Variants in CD300LD observed in about 807,000 individuals in gnomAD.
CD300LD encodes CD300 molecule like family member d.
Under a neutral mutation model 20.3 loss-of-function variants are expected in CD300LD, and 18 were observed. That is an observed-to-expected ratio of 0.89 (90% CI 0.61 to 1.32). The LOEUF (loss-of-function observed/expected upper bound fraction) is 1.32, where lower values mean the gene tolerates loss of function less well. Among genes scored for constraint, CD300LD ranks in the 40% most tolerant of loss-of-function variants. The pLI is 0.00. For missense variants in CD300LD, 195 were observed against 226.6 expected, an observed-to-expected ratio of 0.86 and a Z score of 0.90; for synonymous variants, 104 against 90.1, an observed-to-expected ratio of 1.15 and a Z score of -0.87.
intron 2 of CD300LD, among the ~76,000 whole-genome samples, chr17:74,586,926 T>C (rs1213848661): frequency 1.3e-5 from 2 of 152,250 alleles, no homozygotes; most frequent in African/African-American, 4.8e-5. Flanking sequence ...GTTACACCCT[T>C]CTTTACGGAG....
chr17:74,588,489 A>G, intron 2 of CD300LD, 22 bp downstream of exon 2: 1 of 1,508,770 alleles, frequency 6.6e-7, no homozygotes, highest in East Asian at 2.3e-5. Flanking sequence ...AGAGACACAC[A>G]CGTATATACA....
At chr17:74,589,413 T>A (rs2030253561) in intron 1 of CD300LD, among the ~76,000 whole-genome samples, 1 of 152,186 alleles carries the variant, frequency 6.6e-6, no homozygotes, top group South Asian at 2.1e-4. Flanking sequence ...AAATTCCACT[T>A]CCAAAATTCC....
intron 2 of CD300LD, among the ~76,000 whole-genome samples, chr17:74,587,919 T>TG (rs11378294): frequency 0.35 from 53,785 of 152,018 alleles, 12,723 homozygotes; most frequent in African/African-American, 0.68. Context: ...ATGGGGTCAT[T>TG]AAGAGATCCC....
At chr17:74,579,192 T>C (rs977836562), downstream of CD300LD, among the ~76,000 whole-genome samples, 1 of 152,206 alleles carries the variant, frequency 6.6e-6, no homozygotes, top group Non-Finnish European at 1.5e-5. Flanking sequence ...AAACCTCTGC[T>C]CTCTTCTGTA....
intron 2 of CD300LD, among the ~76,000 whole-genome samples, chr17:74,588,096 G>C (rs1486211337): frequency 1.3e-5 from 2 of 152,294 alleles, no homozygotes; most frequent in Non-Finnish European, 2.9e-5. Flanking sequence ...TCTTGTGAGG[G>C]CCTTCTTGAT....
chr17:74,591,063 C>A (rs1181824308), intron 1 of CD300LD, among the ~76,000 whole-genome samples: 1 of 151,836 alleles, frequency 6.6e-6, no homozygotes, highest in African/African-American at 2.4e-5. Flanking sequence ...TGACAGAGCA[C>A]ACCCTGTCTC....
intron 2 of CD300LD, among the ~76,000 whole-genome samples, chr17:74,583,918 A>T (rs1412054592): frequency 4.0e-5 from 6 of 150,910 alleles, no homozygotes; most frequent in Admixed American, 6.6e-5. Flanking sequence ...TAGCCAGCTA[A>T]TTTTTTTTTA....
At chr17:74,584,777 C>A in intron 2 of CD300LD, 1 of 153,698 alleles carries the variant, frequency 6.5e-6, no homozygotes, top group South Asian at 2.1e-4. Context: ...CCCCTTTGTT[C>A]AATCCCCTAG....
At position 74,588,626 on chromosome 17, in the gene CD300LD, G is replaced by C; in HGVS notation, c.264C>G (p.His88Gln). Residue 88 changes from histidine to glutamine, a missense_variant, in exon 2 of 4, where the codon CAC (histidine) becomes CAG (glutamine). His to Gln is a conservative substitution (Grantham distance 24, BLOSUM62 0). Transcript: ENST00000375352. ...GATTCTCCATGGTCACGGTGAACAC[G>C]TGGTTTTTCTGATTGTCCCTGATGG... is the stretch of plus-strand genomic sequence containing the variant. Reference protein sequence around the residue: ...RVSIRDNQKNHVFTVTMENLK... With the variant: ...RVSIRDNQKNQVFTVTMENLK... 2 of 1,614,036 alleles carry C rather than the reference G, an allele frequency of 1.2e-6. No homozygotes were observed. The highest frequency in any genetic ancestry group is 1.7e-6 in the Non-Finnish European group (2 of 1,179,900).
At chr17:74,588,105 A>G (rs2030210440) in intron 2 of CD300LD, among the ~76,000 whole-genome samples, 1 of 152,182 alleles carries the variant, frequency 6.6e-6, no homozygotes, top group Non-Finnish European at 1.5e-5. Context: ...GGCCTTCTTG[A>G]TGGCAGGGAC....
chr17:74,588,444 G>A, intron 2 of CD300LD, 67 bp downstream of exon 2: 2 of 1,013,540 alleles, frequency 2.0e-6, no homozygotes, highest in East Asian at 4.8e-5. Flanking sequence ...ATTTACTCAA[G>A]TGGGACCTCA....
At chr17:74,585,692 C>T (rs1568022571) in intron 2 of CD300LD, among the ~76,000 whole-genome samples, 1 of 152,134 alleles carries the variant, frequency 6.6e-6, no homozygotes, top group Non-Finnish European at 1.5e-5. Flanking sequence ...GTACAAAGCC[C>T]ATTTACTTTA....
In CD300LD at chr17:74,579,522, G is replaced by T. The variant is rs1330760886; in HGVS notation, c.*480C>A. On this transcript the variant is annotated 3_prime_UTR_variant, in exon 4 of 4. Transcript: ENST00000375352. Reference sequence around the variant, plus strand: ...GGTGGCACGGCTGCAGGAGATAGGGGACTAGGAGGCTGTTCCCTGAAGCTG... The same window carrying T: ...GGTGGCACGGCTGCAGGAGATAGGGTACTAGGAGGCTGTTCCCTGAAGCTG... The T allele has an allele frequency of 1.9e-5, 3 of 157,410 alleles. No individual in the cohort carries two copies. Among genetic ancestry groups the T allele is most frequent in the Non-Finnish European group, 4.2e-5 (3 of 71,436 alleles). The allele number at this position is 157,410 out of a possible 1,614,324, so 9.8% of individuals were successfully genotyped here.
chr17:74,590,683 TA>T (rs2030289659), intron 1 of CD300LD: 1 of 152,030 alleles, frequency 6.6e-6, no homozygotes, highest in Non-Finnish European at 1.5e-5. Context: ...AAGATGGGTA[TA>T]GGGGCTTCAT....
rs765806095 is a variant in CD300LD, at chr17:74,588,691, T to G, written c.199A>C (p.Thr67Pro). 1 of 1,614,246 alleles carries G rather than the reference T, an allele frequency of 6.2e-7. No homozygotes were observed. The highest frequency in any genetic ancestry group is 1.6e-4 in the Middle Eastern group (1 of 6,062). The change falls in exon 2 of 4, where the codon ACA becomes CCA. Residue 67 changes from threonine to proline, a missense_variant. Thr to Pro is a conservative substitution (Grantham distance 38). Coordinates refer to ENST00000375352, the MANE Select transcript of CD300LD (RefSeq NM_001115152.2). ...DWNYCNILVK[T>P]NGSEQEVKKN... is the part of the protein sequence containing the mutation. The stretch of plus-strand genomic sequence containing the variant: ...TTTACCTCCTGCTCTGATCCATTTG[T>G]TTTAACAAGGATGTTACAGTAATTC...
chr17:74,582,352 A>G, intron 2 of CD300LD, 41 bp from the exon 3 acceptor site: 1 of 1,563,188 alleles, frequency 6.4e-7, no homozygotes, highest in South Asian at 1.1e-5. Flanking sequence ...CCTTCCATGG[A>G]TGGCCCAGCT....
intron 3 of CD300LD, among the ~76,000 whole-genome samples, chr17:74,582,014 A>G (rs934183433): frequency 4.1e-4 from 62 of 152,354 alleles, no homozygotes; most frequent in African/African-American, 1.4e-3. Context: ...GTTAAATTTG[A>G]AGTTCAGATA....
Position 74,592,207 on chromosome 17 carries a change from C to T in CD300LD, c.-5G>A. The T allele has an allele frequency of 6.2e-7, 1 of 1,614,196 alleles. No individual in the cohort carries two copies. The highest frequency in any genetic ancestry group is 1.1e-5 in the South Asian group (1 of 91,086). ...CAGAGATGGGGACAGCCACATGGTC[C>T]TGTCTCCTCTCCTCTCCTTGGTGAT... On this transcript the variant is annotated 5_prime_UTR_variant, in exon 1 of 4. Coordinates refer to ENST00000375352, the MANE Select transcript of CD300LD (RefSeq NM_001115152.2).
At chr17:74,580,414 C>T (rs2030007855) in intron 3 of CD300LD, among the ~76,000 whole-genome samples, 1 of 152,246 alleles carries the variant, frequency 6.6e-6, no homozygotes, top group Admixed American at 6.5e-5. Flanking sequence ...TTAGCATTCC[C>T]TGTCTCTACT....
Sources: allele counts gnomAD v4.1 joint callset (sites outside exome capture counted in the v4.1 genomes callset), GRCh38; gene constraint gnomAD v4.1.1; transcripts MANE v1.5; gene names NCBI Gene and HGNC (gene_info 2026-07-23, HGNC 2026-07-21).